STRN3: variants seen among roughly 807,000 people sequenced by gnomAD.
The protein encoded by STRN3 is striatin 3, also known as striatin-3.
A neutral mutation model predicts 95.6 loss-of-function variants in STRN3; 29 were observed. That is an observed-to-expected ratio of 0.30 (90% CI 0.23 to 0.41). The LOEUF is 0.41. Ranked by LOEUF, STRN3 falls within the 10% of genes least tolerant of loss-of-function variation. The probability of loss-of-function intolerance (pLI) is 1.00; values close to 1 mark genes in which losing one functional copy is unlikely to be tolerated. For missense variants in STRN3, 890 were observed against 972.1 expected (o/e 0.92, Z 1.12); for synonymous variants, 331 against 357.6 (o/e 0.93, Z 0.84).
intron 16 of STRN3, among the ~76,000 whole-genome samples, chr14:30,902,079 G>A (rs997064684): frequency 2.7e-5 from 4 of 146,618 alleles, no homozygotes; most frequent in African/African-American, 1.0e-4. Flanking sequence ...GCTGAGGCAG[G>A]ATAATCGCTT....
intron 1 of STRN3, among the ~76,000 whole-genome samples, chr14:31,002,689 TG>T (rs1882523430): frequency 6.7e-6 from 1 of 150,046 alleles, no homozygotes; most frequent in Non-Finnish European, 1.5e-5. Context: ...AGCTAAAATA[TG>T]GATGAACCTT....
At chr14:30,920,745 T>C (rs1896858241) in intron 8 of STRN3, among the ~76,000 whole-genome samples, 1 of 150,580 alleles carries the variant, frequency 6.6e-6, no homozygotes, top group Non-Finnish European at 1.5e-5. Context: ...ATCACATTTA[T>C]ATACTACAAC....
chr14:31,008,182 C>A (rs909329108), intron 1 of STRN3, among the ~76,000 whole-genome samples: 1 of 147,346 alleles, frequency 6.8e-6, no homozygotes, highest in Non-Finnish European at 1.5e-5. Context: ...CAGAGTGAGA[C>A]TCCGTCTCAA....
intron 13 of STRN3, among the ~76,000 whole-genome samples, chr14:30,908,407 A>G (rs1461718029): frequency 2.0e-5 from 3 of 152,188 alleles, no homozygotes; most frequent in Non-Finnish European, 2.9e-5. Flanking sequence ...CTTTTCTTTG[A>G]TGATACAAAA....
chr14:30,894,410 A>G lies in STRN3; in HGVS notation c.*1001T>C, dbSNP rs77648929. ...ATACAGGTTCCTTTAGCACATTAATAAAAGGATATAAAGACCAACAAAAAG... is the reference window on the plus strand; with the variant it reads ...ATACAGGTTCCTTTAGCACATTAATGAAAGGATATAAAGACCAACAAAAAG... On this transcript the variant is annotated 3_prime_UTR_variant, in exon 18 of 18. Coordinates refer to ENST00000357479, the MANE Select transcript of STRN3 (RefSeq NM_001083893.2). The G allele has an allele frequency of 6.5e-6, 1 of 152,802 alleles. No homozygotes were observed. The highest frequency in any genetic ancestry group is 2.4e-5 in the African/African-American group (1 of 41,570). 9.5% of individuals were successfully genotyped at this position (152,802 alleles called of 1,614,324 possible).
At chr14:30,916,284 T>G (rs1274857156) in intron 9 of STRN3, among the ~76,000 whole-genome samples, 3 of 90,414 alleles carry the variant, frequency 3.3e-5, no homozygotes, top group African/African-American at 9.9e-5. Flanking sequence ...GTTTTTTTGG[T>G]TTTTTTTTTT....
intron 7 of STRN3, among the ~76,000 whole-genome samples, chr14:30,933,111 C>CAA (rs779512973): frequency 1.5e-5 from 2 of 133,040 alleles, no homozygotes; most frequent in East Asian, 2.1e-4. Context: ...TCCGTCTCTA[C>CAA]AAAAAAAAAA....
At chr14:30,924,285 A>ATTTTTTTTT (rs1566438140) in intron 8 of STRN3, among the ~76,000 whole-genome samples, 3 of 33,556 alleles carry the variant, frequency 8.9e-5, no homozygotes, top group East Asian at 6.6e-4. Flanking sequence ...CATGCCTTAA[A>ATTTTTTTTT]TCTTTTTTTT....
chr14:30,895,642 T>C lies in STRN3; in HGVS notation c.2224+20A>G, dbSNP rs779131812. On this transcript the variant is annotated intron_variant, in intron 17 of 17. Coordinates refer to ENST00000357479, the MANE Select transcript of STRN3 (RefSeq NM_001083893.2). ...AATCTTTTATAAAGTTTGTGGGCAG[T>C]ACAGGACTTTAAGACTTACTTCCAG... 1.9e-6 allele frequency: 3 copies of C among 1,612,480 alleles called. No individual in the cohort carries two copies. In the South Asian group the frequency reaches 3.3e-5, roughly 18 times the overall value.
At chr14:30,946,408 G>A (rs1419278930) in intron 5 of STRN3, among the ~76,000 whole-genome samples, 1 of 152,092 alleles carries the variant, frequency 6.6e-6, no homozygotes, top group African/African-American at 2.4e-5. Flanking sequence ...GCTGGGCATA[G>A]TGGCGCATGC....
At chr14:31,004,717 G>A (rs1882636739) in intron 1 of STRN3, among the ~76,000 whole-genome samples, 1 of 152,080 alleles carries the variant, frequency 6.6e-6, no homozygotes, top group Admixed American at 6.6e-5. Context: ...AGTTTGTGGT[G>A]AGCCAAGATC....
At chr14:31,018,243 G>A (rs1227707866) in intron 1 of STRN3, among the ~76,000 whole-genome samples, 2 of 152,114 alleles carry the variant, frequency 1.3e-5, no homozygotes, top group African/African-American at 4.8e-5. Context: ...CCAGTGATGG[G>A]GAGAAGCTGC....
At position 30,948,899 on chromosome 14, in the gene STRN3, C is replaced by T. The variant is rs1879498216; in HGVS notation, c.543-1636G>A. On this transcript the variant is annotated intron_variant, in intron 4 of 17. Transcript: ENST00000357479. ...GTCCTCTCTTGGGGAGAACAGCTCC[C>T]ATCATACTCTAACCACTTGGTCTGA... is the stretch of plus-strand genomic sequence containing the variant. 6.6e-5 allele frequency among the ~76,000 whole-genome samples: 10 copies of T among 152,300 alleles called. No homozygotes were observed. The South Asian group carries it at 2.1e-3, about 32-fold the overall frequency.
chr14:31,008,921 C>T (rs1401666960), intron 1 of STRN3, among the ~76,000 whole-genome samples: 1 of 151,958 alleles, frequency 6.6e-6, no homozygotes, highest in Non-Finnish European at 1.5e-5. Context: ...CACCTATAGT[C>T]TCAGCTACTC....
intron 10 of STRN3, 83 bp downstream of exon 10, chr14:30,913,441 T>C (rs1896659303): frequency 2.9e-6 from 4 of 1,357,550 alleles, no homozygotes; most frequent in Non-Finnish European, 3.9e-6. Context: ...CACCTTGATA[T>C]TAATTCTGTT....
At position 31,025,432 on chromosome 14, in the gene STRN3, G is replaced by T. The variant is rs928886891; in HGVS notation, c.282+472C>A. ...GCGCGTACCAAGTCTGAGGGAGGGG[G>T]CCAGATACGCCAAATCGGAAAGGGG... On this transcript the variant is annotated intron_variant, in intron 1 of 17. Transcript: ENST00000357479. The T allele has an allele frequency of 8.0e-5, 13 of 161,532 alleles. 1 individual carries two copies. Among genetic ancestry groups the T allele is most frequent in the South Asian group, 5.6e-4 (5 of 8,928 alleles). The allele number at this position is 161,532 out of a possible 1,614,324, so 10.0% of individuals were successfully genotyped here.
chr14:30,962,506 G>A (rs1880262272), intron 1 of STRN3, among the ~76,000 whole-genome samples: 1 of 152,062 alleles, frequency 6.6e-6, no homozygotes, highest in African/African-American at 2.4e-5. Context: ...TTCATTCATG[G>A]TCAGTGCCCT....
intron 1 of STRN3, among the ~76,000 whole-genome samples, chr14:31,021,804 G>A (rs753505196): frequency 6.6e-5 from 10 of 152,132 alleles, no homozygotes; most frequent in African/African-American, 2.4e-4. Flanking sequence ...AGTGTTCTAC[G>A]AAGTGTTTAG....
intron 1 of STRN3, among the ~76,000 whole-genome samples, chr14:30,960,856 G>C (rs1246369578): frequency 8.8e-6 from 1 of 114,186 alleles, no homozygotes; most frequent in East Asian, 3.0e-4. Flanking sequence ...GCCACAGAGT[G>C]AGACTCCATC....
Sources: gnomAD v4.1 joint callset for allele counts (sites outside exome capture counted in the v4.1 genomes callset) on GRCh38, gnomAD v4.1.1 for gene constraint, MANE v1.5 for transcripts, NCBI Gene and HGNC (gene_info 2026-07-23, HGNC 2026-07-21) for gene names.